CYREN: variants seen among roughly 807,000 people sequenced by gnomAD.
The protein encoded by CYREN is cell cycle regulator of NHEJ, also known as cell cycle regulator of non-homologous end joining.
Under a neutral mutation model 9.7 loss-of-function variants are expected in CYREN, and 7 were observed. That is an observed-to-expected ratio of 0.72 (90% confidence interval 0.41 to 1.36). The LOEUF is 1.36. CYREN is among the 40% of genes most tolerant of loss of function. The pLI is 0.01. For synonymous variants in CYREN, 76 were observed against 77.9 expected (o/e 0.98, Z 0.13); for missense variants, 215 against 198.1 (o/e 1.09, Z -0.51).
chr7:135,164,391 G>A (rs1554390415), downstream of CYREN: 2 of 1,530,684 alleles, frequency 1.3e-6, no homozygotes, highest in South Asian at 2.4e-5. Context: ...AGGGAGAGAT[G>A]GACTGACTGC....
At chr7:135,130,659 T>C (rs1205926720) in intron 2 of CYREN, among the ~76,000 whole-genome samples, 1 of 152,114 alleles carries the variant, frequency 6.6e-6, no homozygotes, top group African/African-American at 2.4e-5. Flanking sequence ...CTGAATGTTC[T>C]TGAATTATCT....
At chr7:135,123,700 A>G (rs1392625022) in intron 2 of CYREN, among the ~76,000 whole-genome samples, 1 of 152,214 alleles carries the variant, frequency 6.6e-6, no homozygotes, top group East Asian at 1.9e-4. Context: ...CCCTCTCAGC[A>G]GAAACTCTAC....
intron 2 of CYREN, among the ~76,000 whole-genome samples, chr7:135,117,098 G>T (rs1826428672): frequency 6.6e-6 from 1 of 152,122 alleles, no homozygotes; most frequent in African/African-American, 2.4e-5. Context: ...TATTTTTAGT[G>T]CAAAGAATAG....
At chr7:135,141,558 C>A (rs1829452927) in intron 2 of CYREN, among the ~76,000 whole-genome samples, 1 of 152,000 alleles carries the variant, frequency 6.6e-6, no homozygotes, top group Non-Finnish European at 1.5e-5. Context: ...TCATTCAGTT[C>A]AGCTCTGATT....
intron 2 of CYREN, among the ~76,000 whole-genome samples, chr7:135,154,175 A>G (rs1259381099): frequency 2.0e-5 from 3 of 151,988 alleles, no homozygotes; most frequent in African/African-American, 7.3e-5. Context: ...TATCAGTTGT[A>G]ATGTCTTTTT....
chr7:135,135,273 A>T (rs1562914180), intron 2 of CYREN: 1 of 1,491,202 alleles, frequency 6.7e-7, no homozygotes, highest in Non-Finnish European at 8.9e-7. Flanking sequence ...CTAGCTTTAT[A>T]CTGCTCTGAG....
chr7:135,149,412 T>A (rs1829618134), intron 2 of CYREN, among the ~76,000 whole-genome samples: 1 of 152,226 alleles, frequency 6.6e-6, no homozygotes. Flanking sequence ...TTATCCTTGA[T>A]ACATCATAGT....
At chr7:135,162,626 G>A (rs753568105), downstream of CYREN, among the ~76,000 whole-genome samples, 1 of 152,142 alleles carries the variant, frequency 6.6e-6, no homozygotes, top group South Asian at 2.1e-4. Flanking sequence ...CAGATATCAT[G>A]AGACTCACTA....
chr7:135,134,916 A>G, intron 2 of CYREN: 1 of 1,551,210 alleles, frequency 6.4e-7, no homozygotes, highest in Non-Finnish European at 8.7e-7. Flanking sequence ...ACCCTTTTGT[A>G]ATCCAAGGGG....
chr7:135,154,477 G>A (rs191175096), intron 2 of CYREN, among the ~76,000 whole-genome samples: 37 of 152,166 alleles, frequency 2.4e-4, no homozygotes, highest in Admixed American at 5.9e-4. Flanking sequence ...CTACTTTTTT[G>A]ATGTAGGCAT....
intron 2 of CYREN, among the ~76,000 whole-genome samples, chr7:135,112,892 C>T (rs1825836574): frequency 6.6e-6 from 1 of 152,192 alleles, no homozygotes; most frequent in African/African-American, 2.4e-5. Context: ...ATTCCTCTGC[C>T]TCAGCCTCCT....
At chr7:135,131,288 G>GA in intron 2 of CYREN, among the ~76,000 whole-genome samples, 1 of 152,006 alleles carries the variant, frequency 6.6e-6, no homozygotes, top group East Asian at 1.9e-4. Flanking sequence ...ACATAGAGGG[G>GA]AAAATCACAC....
At chr7:135,133,910 A>T (rs969526516) in intron 2 of CYREN, among the ~76,000 whole-genome samples, 2 of 152,138 alleles carry the variant, frequency 1.3e-5, no homozygotes, top group African/African-American at 4.8e-5. Context: ...TGAACTGCTG[A>T]TGCACAAAAC....
chr7:135,129,143 C>A, intron 2 of CYREN: 1 of 1,494,102 alleles, frequency 6.7e-7, no homozygotes. Flanking sequence ...CCTATTATGA[C>A]TGCCTTCTCC....
chr7:135,170,793 GC>G (rs1331819467), upstream of CYREN: 2 of 152,128 alleles, frequency 1.3e-5, no homozygotes, highest in Admixed American at 6.5e-5. Context: ...GGAACTCCCG[GC>G]CCCCTCGCAG....
intron 2 of CYREN, among the ~76,000 whole-genome samples, chr7:135,150,666 A>G (rs1829647156): frequency 6.6e-6 from 1 of 152,170 alleles, no homozygotes; most frequent in African/African-American, 2.4e-5. Flanking sequence ...CAAACTCTGA[A>G]TCTTGTGAAT....
chr7:135,140,331 A>G (rs1829430055), intron 2 of CYREN, among the ~76,000 whole-genome samples: 1 of 152,032 alleles, frequency 6.6e-6, no homozygotes, highest in Non-Finnish European at 1.5e-5. Context: ...GTTATTATGA[A>G]TGGGATTGCA....
chr7:135,156,736 T>C (rs2117444583), intron 2 of CYREN, among the ~76,000 whole-genome samples: 1 of 152,350 alleles, frequency 6.6e-6, no homozygotes, highest in South Asian at 2.1e-4. Context: ...TGGGATCTGC[T>C]GCTGCTGGAC....
intron 2 of CYREN, among the ~76,000 whole-genome samples, chr7:135,145,914 A>T (rs1209602047): frequency 2.0e-5 from 3 of 152,208 alleles, no homozygotes; most frequent in African/African-American, 7.2e-5. Context: ...GTCTAAAAAA[A>T]CCTAACGGAC....
Sources: allele counts gnomAD v4.1 joint callset (sites outside exome capture counted in the v4.1 genomes callset), GRCh38; gene constraint gnomAD v4.1.1; transcripts MANE v1.5; gene names NCBI Gene and HGNC (gene_info 2026-07-23, HGNC 2026-07-21).